Variants in CEP128 observed in about 807,000 individuals in gnomAD.
CEP128 encodes centrosomal protein 128.
In CEP128, 132 loss-of-function variants were observed where a neutral mutation model predicts 156.7. The ratio of observed to expected loss-of-function variants is 0.84; its 90% CI spans 0.73 to 0.97. CEP128 has a LOEUF of 0.97. CEP128 is among the 50% of genes least tolerant of loss of function. CEP128 has a pLI of 0.00. For synonymous variants in CEP128, 469 were observed against 448.9 expected, an observed-to-expected ratio of 1.04 and a Z score of -0.57; for missense variants, 1,252 against 1,281.9, an observed-to-expected ratio of 0.98 and a Z score of 0.36.
chr14:80,552,933 A>G (rs1317841609), intron 21 of CEP128, among the ~76,000 whole-genome samples: 3 of 152,072 alleles, frequency 2.0e-5, no homozygotes, highest in Admixed American at 2.0e-4. Context: ...CTTCTTTTAT[A>G]TGATCCATTA....
upstream of CEP128, among the ~76,000 whole-genome samples, chr14:80,945,281 A>G (rs1300021235): frequency 4.6e-5 from 7 of 152,246 alleles, no homozygotes; most frequent in Middle Eastern, 6.8e-3. Context: ...CTTGAATTAG[A>G]ACTTTATACT....
chr14:80,864,843 C>A (rs1887691830), intron 8 of CEP128, among the ~76,000 whole-genome samples: 1 of 152,192 alleles, frequency 6.6e-6, no homozygotes, highest in Non-Finnish European at 1.5e-5. Context: ...AGGCGTGAGC[C>A]ACCATGCCCA....
intron 19 of CEP128, among the ~76,000 whole-genome samples, chr14:80,668,473 A>T (rs1339144735): frequency 6.6e-6 from 1 of 152,226 alleles, no homozygotes; most frequent in Non-Finnish European, 1.5e-5. Context: ...TTAGAAAATG[A>T]CAAGGTTGGG....
chr14:80,715,945 T>G (rs1018214884), intron 19 of CEP128, among the ~76,000 whole-genome samples: 3 of 152,220 alleles, frequency 2.0e-5, no homozygotes, highest in African/African-American at 7.2e-5. Context: ...TCATTAGCAT[T>G]AATATCTTCT....
chr14:80,802,225 G>GAT (rs1449466264), intron 13 of CEP128, among the ~76,000 whole-genome samples: 1 of 152,058 alleles, frequency 6.6e-6, no homozygotes, highest in Non-Finnish European at 1.5e-5. Context: ...CTATTATAAA[G>GAT]ATATATGCAC....
intron 2 of CEP128, among the ~76,000 whole-genome samples, chr14:80,920,983 T>C (rs1884828356): frequency 1.3e-5 from 2 of 152,176 alleles, no homozygotes; most frequent in Admixed American, 6.5e-5. Context: ...GAATATTTAC[T>C]GTAATAGAGG....
At chr14:80,703,313 T>C (rs1897135085) in intron 19 of CEP128, among the ~76,000 whole-genome samples, 1 of 152,102 alleles carries the variant, frequency 6.6e-6, no homozygotes, top group Non-Finnish European at 1.5e-5. Context: ...TTCTATAGCA[T>C]CTTCCATCAG....
At chr14:80,942,523 A>C (rs1202135385), upstream of CEP128, 1 of 152,244 alleles carries the variant, frequency 6.6e-6, no homozygotes, top group Non-Finnish European at 1.5e-5. Context: ...CTTCTCTGCC[A>C]AAAAGACCAC....
At chr14:80,742,825 T>A (rs1898900766) in intron 19 of CEP128, 2 of 448,424 alleles carry the variant, frequency 4.5e-6, no homozygotes, top group African/African-American at 4.0e-5. Context: ...AGAAGCAGTA[T>A]GTCTTATCAA....
rs1010101486 is a variant in CEP128 at position 80,779,574 on chromosome 14, T to C, written c.2212-1528A>G. On this transcript the variant is annotated intron_variant, in intron 15 of 24. Coordinates refer to ENST00000555265, the MANE Select transcript of CEP128 (RefSeq NM_152446.5). ...TCTGTAGTGTGCTGCAGCCAGCTCA[T>C]AGAAACTGTCAAAGCCAACTGGGCT... Among the ~76,000 whole-genome samples the C allele has an allele frequency of 4.6e-5, 7 of 152,298 alleles. No homozygotes were observed. The East Asian group carries it at 1.2e-3, about 25-fold the overall frequency.
chr14:80,628,091 T>C (rs2140706640), intron 19 of CEP128, among the ~76,000 whole-genome samples: 1 of 152,350 alleles, frequency 6.6e-6, no homozygotes. Context: ...GAGAACTTTA[T>C]ACTATTACAG....
chr14:80,585,346 T>C lies in CEP128; in HGVS notation c.2807-4923A>G, dbSNP rs117664974. ...CTGGCTGTTTAAGGAGGTTTGACAC[T>C]TTTTAATGTTGATTTTGGTTTCTGG... is the stretch of plus-strand genomic sequence containing the variant. On this transcript the variant is annotated intron_variant, in intron 19 of 24. Transcript: ENST00000555265. 7.6e-3 allele frequency among the ~76,000 whole-genome samples: 1,152 copies of C among 152,356 alleles called. 6 individuals are homozygous for C. The highest frequency in any genetic ancestry group is 0.011 in the Non-Finnish European group (746 of 68,042).
chr14:80,743,256 C>T lies in CEP128; in HGVS notation c.2625G>A (p.Gln875=). The change falls in exon 19 of 25, where the codon CAG becomes CAA. Residue 875 remains glutamine, a synonymous_variant. Coordinates refer to ENST00000555265, the MANE Select transcript of CEP128 (RefSeq NM_152446.5). ...RWLAESKTKL[Q]WLCEELKERE... is the part of the protein sequence containing the mutation. The stretch of plus-strand genomic sequence containing the variant: ...TCTCTTTCAGTTCCTCACAGAGCCA[C>T]TGAAGTTTAGTCTAAAAAATAACAT... 2 of 1,611,532 alleles carry T rather than the reference C, an allele frequency of 1.2e-6. No homozygotes were observed. The highest frequency in any genetic ancestry group is 2.2e-5 in the East Asian group (1 of 44,816).
chr14:80,487,168 G>A (rs546168158), downstream of CEP128, among the ~76,000 whole-genome samples: 2 of 151,946 alleles, frequency 1.3e-5, no homozygotes, highest in African/African-American at 2.4e-5. Flanking sequence ...TCAAAATAAA[G>A]GGATAGAGGA....
rs1447933509 is a variant in CEP128 at position 80,642,474 on chromosome 14, G to C, written c.2807-62051C>G. Reference sequence around the variant, plus strand: ...AATGCAGGAAGACTGCTTGAGGCCAGGAGTTCAGGACCAGCCTAGGTAACA... The same window carrying C: ...AATGCAGGAAGACTGCTTGAGGCCACGAGTTCAGGACCAGCCTAGGTAACA... On this transcript the variant is annotated intron_variant, in intron 19 of 24. Transcript: ENST00000555265. 2.0e-5 allele frequency among the ~76,000 whole-genome samples: 3 copies of C among 152,116 alleles called. No individual in the cohort carries two copies. The East Asian group carries it at 5.8e-4, about 29-fold the overall frequency.
chr14:80,802,783 G>A (rs942983709), intron 13 of CEP128, among the ~76,000 whole-genome samples: 4 of 152,152 alleles, frequency 2.6e-5, no homozygotes, highest in Admixed American at 1.3e-4. Flanking sequence ...TTAGGTATGT[G>A]CTTGAGAAAG....
intron 19 of CEP128, among the ~76,000 whole-genome samples, chr14:80,685,736 A>G (rs1441930185): frequency 6.6e-6 from 1 of 152,202 alleles, no homozygotes. Context: ...TAACCAAAAT[A>G]GCATGACACT....
At chr14:80,536,289 A>G (rs1889479314) in intron 21 of CEP128, among the ~76,000 whole-genome samples, 1 of 152,200 alleles carries the variant, frequency 6.6e-6, no homozygotes, top group South Asian at 2.1e-4. Context: ...TCTTTGAAAA[A>G]AAATGCACAT....
chr14:80,807,864 G>A (rs762154294), intron 13 of CEP128, among the ~76,000 whole-genome samples: 3 of 152,074 alleles, frequency 2.0e-5, no homozygotes, highest in Non-Finnish European at 4.4e-5. Flanking sequence ...GGGTGCCCAC[G>A]GACATCTCCC....
Sources: gnomAD v4.1 joint callset for allele counts (sites outside exome capture counted in the v4.1 genomes callset) on GRCh38, gnomAD v4.1.1 for gene constraint, MANE v1.5 for transcripts, NCBI Gene and HGNC (gene_info 2026-07-23, HGNC 2026-07-21) for gene names.